ZBTB20: variants seen among roughly 807,000 people sequenced by gnomAD.
The protein encoded by ZBTB20 is zinc finger and BTB domain containing 20.
Under a neutral mutation model 56.9 loss-of-function variants are expected in ZBTB20, and 9 were observed. That is an observed-to-expected ratio of 0.16 (90% CI 0.10 to 0.28). The LOEUF (loss-of-function observed/expected upper bound fraction) is 0.28, where lower values mean the gene tolerates loss of function less well. Ranked by LOEUF, ZBTB20 falls within the 10% of genes least tolerant of loss-of-function variation. The probability of loss-of-function intolerance (pLI) is 1.00; values close to 1 mark genes in which losing one functional copy is unlikely to be tolerated. For synonymous variants in ZBTB20, 417 were observed against 420.7 expected (o/e 0.99, Z 0.11); for missense variants, 655 against 1,003.0 (o/e 0.65, Z 4.69).
intron 2 of ZBTB20, among the ~76,000 whole-genome samples, chr3:114,979,677 A>T (rs1293132735): frequency 2.0e-5 from 3 of 152,082 alleles, no homozygotes; most frequent in African/African-American, 7.2e-5. Flanking sequence ...ATGAAAGCCA[A>T]TTGATCATCC....
intron 4 of ZBTB20, among the ~76,000 whole-genome samples, chr3:114,807,728 T>G (rs1254733188): frequency 6.6e-6 from 1 of 152,152 alleles, no homozygotes; most frequent in Non-Finnish European, 1.5e-5. Flanking sequence ...TTCTCAAATG[T>G]TTCTGTACAT....
intron 7 of ZBTB20, among the ~76,000 whole-genome samples, chr3:114,454,069 T>A (rs2091821577): frequency 6.7e-6 from 1 of 148,740 alleles, no homozygotes. Flanking sequence ...TCCCGCTGTC[T>A]GGTTAGAAGA....
In ZBTB20 at chr3:114,472,044, A is replaced by G. The variant is rs559028239; in HGVS notation, c.-255+28308T>C. On this transcript the variant is annotated intron_variant, in intron 7 of 11. Transcript: ENST00000675478. ...TTAGGCGAATAGGAGGGCACCAAAG[A>G]TAATTTTATGAAAAGACAGTTCAGG... 1.2e-4 allele frequency among the ~76,000 whole-genome samples: 18 copies of G among 152,316 alleles called. 1 individual carries two copies. The South Asian group carries it at 3.7e-3, about 32-fold the overall frequency.
chr3:114,580,211 A>G (rs2054510575), intron 6 of ZBTB20, among the ~76,000 whole-genome samples: 1 of 151,712 alleles, frequency 6.6e-6, no homozygotes, highest in South Asian at 2.1e-4. Flanking sequence ...ATATCAGGAA[A>G]TGTATTAATA....
At chr3:114,559,179 GA>G (rs1479643072) in intron 6 of ZBTB20, among the ~76,000 whole-genome samples, 1 of 152,166 alleles carries the variant, frequency 6.6e-6, no homozygotes, top group African/African-American at 2.4e-5. Context: ...CTTGCTGAGT[GA>G]ATGAATAAAT....
intron 6 of ZBTB20, among the ~76,000 whole-genome samples, chr3:114,662,200 C>T (rs1310762564): frequency 1.3e-5 from 2 of 151,854 alleles, no homozygotes; most frequent in Admixed American, 1.3e-4. Context: ...TGATGATTTC[C>T]AATTTCATCC....
intron 3 of ZBTB20, among the ~76,000 whole-genome samples, chr3:114,903,458 G>A (rs1417828846): frequency 6.6e-6 from 1 of 152,006 alleles, no homozygotes; most frequent in African/African-American, 2.4e-5. Context: ...AAGAAGGCTT[G>A]TTGAAGACAT....
chr3:114,580,698 G>A (rs532302311), intron 6 of ZBTB20, among the ~76,000 whole-genome samples: 1 of 151,764 alleles, frequency 6.6e-6, no homozygotes, highest in African/African-American at 2.4e-5. Context: ...AAACAGATAT[G>A]AATATAATAA....
At chr3:114,925,773 A>G (rs939013275) in intron 3 of ZBTB20, among the ~76,000 whole-genome samples, 3 of 151,814 alleles carry the variant, frequency 2.0e-5, no homozygotes, top group South Asian at 4.2e-4. Flanking sequence ...TGATCTGCCC[A>G]CCTTGGCCTC....
intron 4 of ZBTB20, among the ~76,000 whole-genome samples, chr3:114,843,688 T>G (rs1187208531): frequency 6.6e-6 from 1 of 150,940 alleles, no homozygotes; most frequent in Non-Finnish European, 1.5e-5. Flanking sequence ...TATATATATT[T>G]TTTTTTGAGA....
At chr3:114,527,444 T>TA (rs2047359157) in intron 6 of ZBTB20, 1 of 152,210 alleles carries the variant, frequency 6.6e-6, no homozygotes, top group Non-Finnish European at 1.5e-5. Context: ...TGTCATCACA[T>TA]ACTCACACAT....
intron 6 of ZBTB20, among the ~76,000 whole-genome samples, chr3:114,510,433 A>G (rs2045215283): frequency 6.6e-6 from 1 of 151,598 alleles, no homozygotes; most frequent in East Asian, 1.9e-4. Flanking sequence ...TTCCTCCTGC[A>G]TGATTTGGTC....
intron 6 of ZBTB20, among the ~76,000 whole-genome samples, chr3:114,557,302 T>C (rs557927259): frequency 7.6e-4 from 115 of 151,986 alleles, no homozygotes; most frequent in Middle Eastern, 3.4e-3. Flanking sequence ...AGGGGAAGTG[T>C]TTAAAACAGC....
intron 6 of ZBTB20, among the ~76,000 whole-genome samples, chr3:114,629,001 C>G (rs1308494919): frequency 6.6e-6 from 1 of 152,114 alleles, no homozygotes; most frequent in Non-Finnish European, 1.5e-5. Flanking sequence ...TTCAGAGTTT[C>G]TTTTTCTGGA....
chr3:114,959,669 G>A, intron 3 of ZBTB20, among the ~76,000 whole-genome samples: 1 of 149,498 alleles, frequency 6.7e-6, no homozygotes, highest in East Asian at 2.0e-4. Context: ...AAAAACAAAA[G>A]ATATATATGT....
Position 115,101,496 on chromosome 3 carries a change from CAG to C in ZBTB20, c.-702-30084_-702-30083del, listed in dbSNP as rs2083581060. Among the ~76,000 whole-genome samples the C allele has an allele frequency of 2.6e-5, 4 of 152,152 alleles. 1 individual carries two copies. The South Asian group carries it at 8.3e-4, about 32-fold the overall frequency. On this transcript the variant is annotated intron_variant, in intron 1 of 11. Transcript: ENST00000675478. ...CTATAGAATTACAAACATCAGAAAA[CAG>C]AAATAGTTTTAAGCCACTCTCCTCG... is the stretch of plus-strand genomic sequence containing the variant.
chr3:114,650,921 T>C (rs142422153), intron 6 of ZBTB20, among the ~76,000 whole-genome samples: 50 of 152,174 alleles, frequency 3.3e-4, no homozygotes, highest in African/African-American at 1.2e-3. Flanking sequence ...ATATCATTTA[T>C]CATTTTGATA....
intron 7 of ZBTB20, among the ~76,000 whole-genome samples, chr3:114,444,991 C>A (rs561872164): frequency 1.3e-5 from 2 of 152,134 alleles, no homozygotes; most frequent in African/African-American, 2.4e-5. Context: ...AACCCACTCA[C>A]CCATATTGAG....
At chr3:114,531,305 T>G (rs2047815168) in intron 6 of ZBTB20, among the ~76,000 whole-genome samples, 2 of 152,236 alleles carry the variant, frequency 1.3e-5, no homozygotes, top group African/African-American at 4.8e-5. Context: ...AATTAAGTTC[T>G]AAATCCTGTA....
Sources: allele counts gnomAD v4.1 joint callset (sites outside exome capture counted in the v4.1 genomes callset), GRCh38; gene constraint gnomAD v4.1.1; transcripts MANE v1.5; gene names NCBI Gene and HGNC (gene_info 2026-07-23, HGNC 2026-07-21).